RIMS1: variants seen among roughly 807,000 people sequenced by gnomAD.
RIMS1 encodes the protein regulating synaptic membrane exocytosis protein 1.
In RIMS1, 83 loss-of-function variants were observed where a neutral mutation model predicts 214.1. The ratio of observed to expected loss-of-function variants is 0.39; its 90% CI spans 0.32 to 0.47. RIMS1 has a LOEUF of 0.47. Ranked by LOEUF, RIMS1 falls within the 20% of genes least tolerant of loss-of-function variation. RIMS1 has a pLI of 0.99. For synonymous variants in RIMS1, 793 were observed against 786.8 expected, an observed-to-expected ratio of 1.01 and a Z score of -0.13; for missense variants, 2,050 against 2,161.8, an observed-to-expected ratio of 0.95 and a Z score of 1.03.
chr6:72,124,203 A>T (rs1475300276), intron 4 of RIMS1, among the ~76,000 whole-genome samples: 1 of 151,810 alleles, frequency 6.6e-6, no homozygotes, highest in Non-Finnish European at 1.5e-5. Context: ...GCTTGTCTGT[A>T]AAGGATTTTA....
intron 2 of RIMS1, among the ~76,000 whole-genome samples, chr6:71,972,737 C>A (rs965302679): frequency 5.3e-4 from 81 of 152,170 alleles, no homozygotes; most frequent in African/African-American, 1.8e-3. Flanking sequence ...GAGATAGAAT[C>A]TTTTTCTTAA....
intron 29 of RIMS1, among the ~76,000 whole-genome samples, chr6:72,364,521 A>G (rs1467114808): frequency 6.6e-6 from 1 of 152,128 alleles, no homozygotes; most frequent in Non-Finnish European, 1.5e-5. Context: ...ATTCATGAAA[A>G]ATTCTCTTAT....
intron 29 of RIMS1, among the ~76,000 whole-genome samples, chr6:72,385,774 C>T (rs1005785094): frequency 1.3e-5 from 2 of 152,200 alleles, no homozygotes; most frequent in Non-Finnish European, 2.9e-5. Context: ...GTTTCCACAT[C>T]TATAAAACAA....
At chr6:71,921,198 G>A (rs572040242) in intron 1 of RIMS1, among the ~76,000 whole-genome samples, 1 of 152,188 alleles carries the variant, frequency 6.6e-6, no homozygotes, top group Non-Finnish European at 1.5e-5. Context: ...TCAGCTCACT[G>A]CAACCTCTGC....
rs547657241 is a variant in RIMS1 at position 72,272,282 on chromosome 6, A to G, written c.3399-2067A>G. On this transcript the variant is annotated intron_variant, in intron 22 of 33. Coordinates refer to ENST00000521978, the MANE Select transcript of RIMS1 (RefSeq NM_014989.7). ...TGTAATAGGGAAAAAAACCAGAAGT[A>G]GCACCTATTATAGAAAGCATATAAA... Among the ~76,000 whole-genome samples the G allele has an allele frequency of 7.2e-5, 11 of 152,318 alleles. No individual in the cohort carries two copies. The South Asian group carries it at 2.1e-3, about 29-fold the overall frequency.
At chr6:72,120,047 C>T (rs2037928614) in intron 4 of RIMS1, among the ~76,000 whole-genome samples, 2 of 151,866 alleles carry the variant, frequency 1.3e-5, no homozygotes, top group Non-Finnish European at 2.9e-5. Flanking sequence ...TTAATCCAGT[C>T]TATCATTGAT....
chr6:71,905,128 C>T (rs1774872559), intron 1 of RIMS1, among the ~76,000 whole-genome samples: 1 of 152,030 alleles, frequency 6.6e-6, no homozygotes, highest in South Asian at 2.1e-4. Context: ...ACAGTCCTTA[C>T]CTCTTCCTTT....
At chr6:71,988,936 T>C (rs191715474) in intron 2 of RIMS1, among the ~76,000 whole-genome samples, 29 of 152,322 alleles carry the variant, frequency 1.9e-4, no homozygotes, top group Admixed American at 1.4e-3. Flanking sequence ...CTGATTCAGA[T>C]TATTAAACAA....
At chr6:72,170,154 G>A (rs2046822591) in intron 4 of RIMS1, among the ~76,000 whole-genome samples, 1 of 152,090 alleles carries the variant, frequency 6.6e-6, no homozygotes, top group Admixed American at 6.5e-5. Flanking sequence ...AGCCTGAGAT[G>A]CTTTCCTCCA....
chr6:72,112,534 G>T (rs1052277518), intron 4 of RIMS1, among the ~76,000 whole-genome samples: 15 of 152,054 alleles, frequency 9.9e-5, no homozygotes, highest in Non-Finnish European at 2.2e-4. Flanking sequence ...CTATCTGCCT[G>T]CTACCTTCTG....
rs567572647 is a variant in RIMS1, at chr6:72,251,720, C to T, written c.2698+352C>T. Among the ~76,000 whole-genome samples the T allele has an allele frequency of 7.9e-5, 12 of 151,050 alleles. No homozygotes were observed. The East Asian group carries it at 1.8e-3, about 22-fold the overall frequency. ...ACTTTATAGTTCAAAGATTTTTTCT[C>T]CCCCCACCGAGAGAGAGTCTCACTC... On this transcript the variant is annotated intron_variant, in intron 15 of 33. Coordinates refer to ENST00000521978, the MANE Select transcript of RIMS1 (RefSeq NM_014989.7).
intron 22 of RIMS1, among the ~76,000 whole-genome samples, chr6:72,267,309 T>C (rs2081055766): frequency 6.6e-6 from 1 of 152,078 alleles, no homozygotes; most frequent in African/African-American, 2.4e-5. Flanking sequence ...TTCTTATATG[T>C]TTCTGGTTAG....
chr6:72,164,420 C>T (rs1189476957), intron 4 of RIMS1, among the ~76,000 whole-genome samples: 2 of 152,000 alleles, frequency 1.3e-5, no homozygotes, highest in Non-Finnish European at 2.9e-5. Flanking sequence ...TCTGACACTC[C>T]CCAGTGAGAT....
intron 29 of RIMS1, among the ~76,000 whole-genome samples, chr6:72,370,153 A>G (rs751794548): frequency 6.6e-6 from 1 of 152,172 alleles, no homozygotes; most frequent in Non-Finnish European, 1.5e-5. Context: ...GGAACACAGC[A>G]TTGGTTCCCC....
chr6:72,256,851 T>A (rs2076075415), intron 16 of RIMS1, among the ~76,000 whole-genome samples: 1 of 152,042 alleles, frequency 6.6e-6, no homozygotes, highest in Non-Finnish European at 1.5e-5. Flanking sequence ...GCTTAGTTGA[T>A]ATTTTGATAA....
intron 29 of RIMS1, among the ~76,000 whole-genome samples, chr6:72,342,656 TG>T (rs1564309712): frequency 2.0e-5 from 3 of 147,426 alleles, no homozygotes; most frequent in African/African-American, 7.5e-5. Context: ...TGTGTGTGTG[TG>T]GGCATGCATG....
At chr6:72,044,329 G>T (rs1822343500) in intron 2 of RIMS1, among the ~76,000 whole-genome samples, 2 of 151,568 alleles carry the variant, frequency 1.3e-5, no homozygotes, top group African/African-American at 4.8e-5. Context: ...TTAATTGGGT[G>T]AACATTTCTT....
chr6:72,144,945 C>T lies in RIMS1; in HGVS notation c.472-34630C>T, dbSNP rs981407192. On this transcript the variant is annotated intron_variant, in intron 4 of 33. Transcript: ENST00000521978. ...TGTCACACAAGCTGGAGTGCAGTGG[C>T]GTGATCTTGGCTCACCACAACCTCT... Among the ~76,000 whole-genome samples the T allele has an allele frequency of 4.7e-5, 7 of 149,890 alleles. No homozygotes were observed. The Admixed American group carries it at 4.7e-4, about 10-fold the overall frequency.
chr6:72,258,001 C>A, intron 16 of RIMS1, 124 bp from the exon 17 acceptor site: 5 of 819,704 alleles, frequency 6.1e-6, no homozygotes, highest in Non-Finnish European at 7.7e-6. Context: ...GCTATTAATA[C>A]CGATTGCATG....
Sources: gnomAD v4.1 joint callset for allele counts (sites outside exome capture counted in the v4.1 genomes callset) on GRCh38, gnomAD v4.1.1 for gene constraint, MANE v1.5 for transcripts, NCBI Gene and HGNC (gene_info 2026-07-23, HGNC 2026-07-21) for gene names.